AUTS2: variants seen among roughly 807,000 people sequenced by gnomAD.
AUTS2 encodes the protein autism susceptibility gene 2 protein.
Under a neutral mutation model 112.4 loss-of-function variants are expected in AUTS2, and 17 were observed. That is an observed-to-expected ratio of 0.15 (90% CI 0.10 to 0.23). The LOEUF (loss-of-function observed/expected upper bound fraction) is 0.23, where lower values mean the gene tolerates loss of function less well. AUTS2 is among the 10% of genes least tolerant of loss of function. AUTS2 has a pLI of 1.00. For missense variants in AUTS2, 1,510 were observed against 1,701.6 expected (o/e 0.89, Z 1.98); for synonymous variants, 751 against 702.7 (o/e 1.07, Z -1.09).
intron 4 of AUTS2, among the ~76,000 whole-genome samples, chr7:70,248,840 C>G (rs1813064882): frequency 6.6e-6 from 1 of 152,114 alleles, no homozygotes; most frequent in Non-Finnish European, 1.5e-5. Context: ...TAATTCCCAT[C>G]AGTTTGTTAT....
chr7:69,933,535 T>C (rs1796300118), intron 2 of AUTS2, among the ~76,000 whole-genome samples: 1 of 152,216 alleles, frequency 6.6e-6, no homozygotes, highest in East Asian at 1.9e-4. Context: ...TTCATTAACT[T>C]TCTTGGAAGG....
At position 69,989,982 on chromosome 7, in the gene AUTS2, C is replaced by T. The variant is rs150179842; in HGVS notation, c.522+90484C>T. ...AACAGGTGCATCCCAACACCATCGCCCTCCCATCCCCAGGTCTGTGGGAAA... is the reference window on the plus strand; with the variant it reads ...AACAGGTGCATCCCAACACCATCGCTCTCCCATCCCCAGGTCTGTGGGAAA... On this transcript the variant is annotated intron_variant, in intron 2 of 18. Transcript: ENST00000342771. Among the ~76,000 whole-genome samples, 899 of 152,244 alleles carry T rather than the reference C, an allele frequency of 5.9e-3. 5 individuals are homozygous for T. The highest frequency in any genetic ancestry group is 0.017 in the Middle Eastern group (5 of 294).
intron 6 of AUTS2, among the ~76,000 whole-genome samples, chr7:70,756,421 C>A (rs114852719): frequency 0.016 from 2,451 of 152,158 alleles, 73 homozygotes; most frequent in African/African-American, 0.056. Context: ...CTCAACCCTA[C>A]CAGACCCAGC....
chr7:70,574,009 T>C (rs1009844904), intron 5 of AUTS2, among the ~76,000 whole-genome samples: 1 of 152,056 alleles, frequency 6.6e-6, no homozygotes, highest in African/African-American at 2.4e-5. Context: ...GGCTGTGCAG[T>C]TGGGAGGCCT....
intron 10 of AUTS2, 42 bp from the exon 11 acceptor site, chr7:70,771,507 C>G (rs1790336217): frequency 6.6e-7 from 1 of 1,523,924 alleles, no homozygotes; most frequent in Admixed American, 1.7e-5. Context: ...TCACTTGCCT[C>G]CTACTAAAAT....
chr7:70,120,285 A>T (rs1394039853), intron 3 of AUTS2: 1 of 152,158 alleles, frequency 6.6e-6, no homozygotes, highest in Non-Finnish European at 1.5e-5. Context: ...TTTTTATGTT[A>T]TTTTAATATA....
chr7:70,743,792 T>C (rs1321863946), intron 6 of AUTS2, among the ~76,000 whole-genome samples: 1 of 152,236 alleles, frequency 6.6e-6, no homozygotes, highest in Admixed American at 6.5e-5. Context: ...ATTTGAAATG[T>C]GTGCCTGAAG....
intron 1 of AUTS2, among the ~76,000 whole-genome samples, chr7:69,675,301 T>C (rs1381525019): frequency 6.6e-6 from 1 of 152,186 alleles, no homozygotes; most frequent in Non-Finnish European, 1.5e-5. Context: ...TTGCTATTTG[T>C]TTCCATTGTT....
intron 2 of AUTS2, among the ~76,000 whole-genome samples, chr7:70,030,872 A>G (rs925231648): frequency 1.3e-5 from 2 of 152,122 alleles, no homozygotes; most frequent in Non-Finnish European, 2.9e-5. Context: ...TATCCTGTAG[A>G]ACGGGATCCC....
At position 69,933,199 on chromosome 7, in the gene AUTS2, A is replaced by C. The variant is rs918003898; in HGVS notation, c.522+33701A>C. On this transcript the variant is annotated intron_variant, in intron 2 of 18. Coordinates refer to ENST00000342771, the MANE Select transcript of AUTS2 (RefSeq NM_015570.4). ...CTAATCAAAGTACTGTTACATAAGTAATGGCTCATGTGTGCGCACAGGTGT... is the reference window on the plus strand; with the variant it reads ...CTAATCAAAGTACTGTTACATAAGTCATGGCTCATGTGTGCGCACAGGTGT... Among the ~76,000 whole-genome samples, 37 of 152,346 alleles carry C rather than the reference A, an allele frequency of 2.4e-4. 1 individual carries two copies. Among genetic ancestry groups the C allele is most frequent in the Middle Eastern group, 3.4e-3 (1 of 294 alleles).
chr7:69,948,812 T>G (rs1383218355), intron 2 of AUTS2, among the ~76,000 whole-genome samples: 1 of 142,450 alleles, frequency 7.0e-6, no homozygotes, highest in African/African-American at 2.7e-5. Context: ...ATTTATTTAT[T>G]TATTTATTTT....
At chr7:70,117,450 T>A (rs1331152398) in intron 2 of AUTS2, among the ~76,000 whole-genome samples, 1 of 152,122 alleles carries the variant, frequency 6.6e-6, no homozygotes, top group African/African-American at 2.4e-5. Flanking sequence ...AGGTAAGAAA[T>A]CATAGTTGGT....
chr7:70,633,826 A>T, intron 5 of AUTS2, among the ~76,000 whole-genome samples: 1 of 152,158 alleles, frequency 6.6e-6, no homozygotes, highest in East Asian at 1.9e-4. Flanking sequence ...AAATTTTAAG[A>T]TGGTTTAGGA....
chr7:70,461,097 C>T (rs780543390), intron 5 of AUTS2, among the ~76,000 whole-genome samples: 2 of 151,994 alleles, frequency 1.3e-5, no homozygotes, highest in African/African-American at 2.4e-5. Flanking sequence ...TTTGGTTTCA[C>T]GGAGGAACAG....
At chr7:70,073,528 A>C (rs1016363098) in intron 2 of AUTS2, among the ~76,000 whole-genome samples, 3 of 151,742 alleles carry the variant, frequency 2.0e-5, no homozygotes, top group African/African-American at 7.3e-5. Flanking sequence ...AAAAAAAAAA[A>C]ATGGGATGGG....
intron 6 of AUTS2, among the ~76,000 whole-genome samples, chr7:70,741,647 T>G (rs4718992): frequency 0.66 from 98,539 of 150,294 alleles, 33,315 homozygotes; most frequent in African/African-American, 0.81. Flanking sequence ...GCCAAGATCG[T>G]GTCATTGCAC....
At chr7:70,602,137 C>T (rs988342488) in intron 5 of AUTS2, among the ~76,000 whole-genome samples, 20 of 151,422 alleles carry the variant, frequency 1.3e-4, no homozygotes, top group African/African-American at 4.9e-4. Context: ...TTGAAAATGA[C>T]ATATTGGGGC....
chr7:70,623,404 G>A (rs1397047181), intron 5 of AUTS2, among the ~76,000 whole-genome samples: 1 of 152,150 alleles, frequency 6.6e-6, no homozygotes, highest in Non-Finnish European at 1.5e-5. Flanking sequence ...ATTCCCAGAG[G>A]CAGATTTTTA....
chr7:69,696,762 G>T (rs1249308509), intron 1 of AUTS2, among the ~76,000 whole-genome samples: 1 of 152,090 alleles, frequency 6.6e-6, no homozygotes, highest in Non-Finnish European at 1.5e-5. Flanking sequence ...TTTGTAAAAA[G>T]ATTTTTTTTC....
Sources: gnomAD v4.1 joint callset for allele counts (sites outside exome capture counted in the v4.1 genomes callset) on GRCh38, gnomAD v4.1.1 for gene constraint, MANE v1.5 for transcripts, NCBI Gene and HGNC (gene_info 2026-07-23, HGNC 2026-07-21) for gene names.